The following PCDHGB2 variants were observed in gnomAD, a reference collection of about 807,000 sequenced individuals.
The protein encoded by PCDHGB2 is protocadherin gamma-B2.
A neutral mutation model predicts 59.3 loss-of-function variants in PCDHGB2; 55 were observed. The ratio of observed to expected loss-of-function variants is 0.93; its 90% CI spans 0.75 to 1.16. The LOEUF (loss-of-function observed/expected upper bound fraction) is 1.16, where lower values mean the gene tolerates loss of function less well. PCDHGB2 is among the 50% of genes most tolerant of loss of function. The pLI is 0.00. For synonymous variants in PCDHGB2, 516 were observed against 512.0 expected, an observed-to-expected ratio of 1.01 and a Z score of -0.11; for missense variants, 1,228 against 1,198.5, an observed-to-expected ratio of 1.02 and a Z score of -0.36.
rs554003983 is a variant in PCDHGB2, at chr5:141,415,548, A to T, written c.2421+52992A>T. 10 of 1,614,160 alleles carry T rather than the reference A, an allele frequency of 6.2e-6. No individual in the cohort carries two copies. The East Asian group carries it at 1.8e-4, about 29-fold the overall frequency. ...TCATCAGCCAGGAGAGCTGTGAGAA[A>T]AACGATCCTTTGTCTTTGTTAGATG... On this transcript the variant is annotated intron_variant, in intron 1 of 3. Coordinates refer to ENST00000522605, the MANE Select transcript of PCDHGB2 (RefSeq NM_018923.3).
At chr5:141,410,736 A>G (rs553799279) in intron 1 of PCDHGB2, 1 of 1,334,690 alleles carries the variant, frequency 7.5e-7, no homozygotes, top group East Asian at 2.4e-5. Flanking sequence ...ATAGCTTTTT[A>G]CAATATTTTC....
chr5:141,505,270 G>A (rs550800630), intron 2 of PCDHGB2, 123 bp from the exon 3 acceptor site: 103 of 1,520,724 alleles, frequency 6.8e-5, no homozygotes, highest in Middle Eastern at 4.6e-4. Context: ...CTTGCTGAGA[G>A]AAACAGGTCT....
intron 1 of PCDHGB2, chr5:141,373,929 A>G: frequency 1.5e-6 from 1 of 673,706 alleles, no homozygotes; most frequent in Non-Finnish European, 2.3e-6. Context: ...TTAGACGGGA[A>G]AGCAGGAAAG....
intron 1 of PCDHGB2, chr5:141,423,252 C>T (rs2096724826): frequency 1.2e-6 from 2 of 1,613,802 alleles, no homozygotes; most frequent in South Asian, 2.2e-5. Context: ...TCCTGGCGGA[C>T]CTCGGCAGCC....
intron 1 of PCDHGB2, among the ~76,000 whole-genome samples, chr5:141,402,022 T>A (rs1170426258): frequency 6.6e-6 from 1 of 152,210 alleles, no homozygotes; most frequent in East Asian, 1.9e-4. Context: ...TTTGAATCAT[T>A]GAAACACAGT....
chr5:141,395,442 AG>A lies in PCDHGB2; in HGVS notation c.2421+32887del, dbSNP rs1446210907. Reference sequence around the variant, plus strand: ...CATTTGCTTTTAAACGACTTGGAAAAGATTGTTCAACCATTTTAAGCCTTCC... The same window carrying A: ...CATTTGCTTTTAAACGACTTGGAAAAATTGTTCAACCATTTTAAGCCTTCC... On this transcript the variant is annotated intron_variant, in intron 1 of 3. Coordinates refer to ENST00000522605, the MANE Select transcript of PCDHGB2 (RefSeq NM_018923.3). 4 of 667,514 alleles carry A rather than the reference AG, an allele frequency of 6.0e-6. No homozygotes were observed. The East Asian group carries it at 1.2e-4, about 20-fold the overall frequency. 41.3% of individuals were successfully genotyped at this position (667,514 alleles called of 1,614,324 possible).
At chr5:141,397,467 G>A (rs1052329651) in intron 1 of PCDHGB2, among the ~76,000 whole-genome samples, 1 of 152,176 alleles carries the variant, frequency 6.6e-6, no homozygotes, top group East Asian at 1.9e-4. Flanking sequence ...ATATTGGGGA[G>A]TTGGAAATCA....
chr5:141,458,674 A>G (rs1315462699), intron 1 of PCDHGB2, among the ~76,000 whole-genome samples: 1 of 152,104 alleles, frequency 6.6e-6, no homozygotes, highest in East Asian at 1.9e-4. Flanking sequence ...GGTTCAAGCA[A>G]TTCTACTGCC....
At chr5:141,375,170 G>A in intron 1 of PCDHGB2, 2 of 1,613,964 alleles carry the variant, frequency 1.2e-6, no homozygotes, top group Admixed American at 1.7e-5. Context: ...TGCACCTCCA[G>A]GAACAGTAAT....
chr5:141,419,571 G>C, intron 1 of PCDHGB2: 1 of 1,611,704 alleles, frequency 6.2e-7, no homozygotes. Context: ...GGTCCCGACG[G>C]CTCCGCGCTC....
At position 141,390,084 on chromosome 5, in the gene PCDHGB2, G is replaced by A. The variant is rs755692863; in HGVS notation, c.2421+27528G>A. Reference sequence around the variant, plus strand: ...CCAGCCTGGTCTCTGTGTTAAATCCGAATCCGTGGTTCCCCCCAACTACAG... The same window carrying A: ...CCAGCCTGGTCTCTGTGTTAAATCCAAATCCGTGGTTCCCCCCAACTACAG... On this transcript the variant is annotated intron_variant, in intron 1 of 3. Transcript: ENST00000522605. 8 of 1,613,954 alleles carry A rather than the reference G, an allele frequency of 5.0e-6. No homozygotes were observed. In the African/African-American group the frequency reaches 9.3e-5, roughly 19 times the overall value.
At chr5:141,385,268 C>CTT (rs1561607550) in intron 1 of PCDHGB2, 1 of 1,613,616 alleles carries the variant, frequency 6.2e-7, no homozygotes, top group Non-Finnish European at 8.5e-7. Context: ...AAAAATGATT[C>CTT]TTTGCTAACA....
In PCDHGB2 at chr5:141,414,129, C is replaced by A. The variant is rs1487550233; in HGVS notation, c.2421+51573C>A. The A allele has an allele frequency of 1.9e-6, 3 of 1,594,152 alleles. No homozygotes were observed. In the Admixed American group the frequency reaches 5.3e-5, roughly 28 times the overall value. ...ATCTAGATTATGAAGAAACCGGTTT[C>A]TATGAAATAGAAATACAAGCAGAAG... On this transcript the variant is annotated intron_variant, in intron 1 of 3. Coordinates refer to ENST00000522605, the MANE Select transcript of PCDHGB2 (RefSeq NM_018923.3).
chr5:141,397,491 A>G (rs1462298713), intron 1 of PCDHGB2, among the ~76,000 whole-genome samples: 1 of 152,230 alleles, frequency 6.6e-6, no homozygotes, highest in Non-Finnish European at 1.5e-5. Flanking sequence ...AAATGAACAG[A>G]AGAATGATAA....
At chr5:141,388,580 G>T (rs376569160) in intron 1 of PCDHGB2, 1 of 1,613,868 alleles carries the variant, frequency 6.2e-7, no homozygotes, top group Admixed American at 1.7e-5. Flanking sequence ...ACGTTCTAGT[G>T]ACTGATGCCA....
At position 141,482,865 on chromosome 5, in the gene PCDHGB2, A is replaced by G. The variant is rs557581796; in HGVS notation, c.2422-11942A>G. ...GGTGGGCAGATCACTTGAGGTCAGG[A>G]GTTTGAAACCAGCCTGGCCAACATG... On this transcript the variant is annotated intron_variant, in intron 1 of 3. Coordinates refer to ENST00000522605, the MANE Select transcript of PCDHGB2 (RefSeq NM_018923.3). Among the ~76,000 whole-genome samples, 66 of 152,206 alleles carry G rather than the reference A, an allele frequency of 4.3e-4. 1 individual carries two copies. Among genetic ancestry groups the G allele is most frequent in the African/African-American group, 1.5e-3 (61 of 41,516 alleles).
Position 141,485,151 on chromosome 5 carries a change from T to C in PCDHGB2, c.2422-9656T>C, listed in dbSNP as rs1191585056. 1.0e-5 allele frequency: 16 copies of C among 1,584,876 alleles called. No homozygotes were observed. Among genetic ancestry groups the C allele is most frequent in the Non-Finnish European group, 1.3e-5 (15 of 1,156,528 alleles). On this transcript the variant is annotated intron_variant, in intron 1 of 3. Coordinates refer to ENST00000522605, the MANE Select transcript of PCDHGB2 (RefSeq NM_018923.3). This position sits in a 1 kb window ranked among gnomAD's most constrained non-coding sequence, Gnocchi z 5.7. ...GCTTCATCCGCGTCTCAGGAGCAAG[T>C]AGAGAATTAGCGGGCGGCAGCAATG...
rs756627468 is a variant in PCDHGB2, at chr5:141,370,720, T to A, written c.2421+8164T>A. On this transcript the variant is annotated intron_variant, in intron 1 of 3. Transcript: ENST00000522605. Reference sequence around the variant, plus strand: ...ACGTGTGTTCTGGAATTTGAAATGGTTGCTGAAAAGCCTTTAAACTTTTTT... The same window carrying A: ...ACGTGTGTTCTGGAATTTGAAATGGATGCTGAAAAGCCTTTAAACTTTTTT... 4.3e-6 allele frequency: 7 copies of A among 1,613,868 alleles called. No homozygotes were observed. The South Asian group carries it at 7.7e-5, about 18-fold the overall frequency.
At chr5:141,439,947 T>C (rs2098140958) in intron 1 of PCDHGB2, 1 of 152,516 alleles carries the variant, frequency 6.6e-6, no homozygotes, top group Non-Finnish European at 1.5e-5. Flanking sequence ...TTCTCTATGA[T>C]GCAGATCCGT....
Sources: gnomAD v4.1 joint callset for allele counts (sites outside exome capture counted in the v4.1 genomes callset) on GRCh38, gnomAD v4.1.1 for gene constraint, Gnocchi (gnomAD v3.1) non-coding constraint, MANE v1.5 for transcripts, NCBI Gene and HGNC (gene_info 2026-07-23, HGNC 2026-07-21) for gene names.